The following NOL9 variants were observed in gnomAD, a reference collection of about 807,000 sequenced individuals.
NOL9 encodes polynucleotide 5'-hydroxyl-kinase NOL9.
Under a neutral mutation model 67.9 loss-of-function variants are expected in NOL9, and 28 were observed. The observed-to-expected ratio is 0.41, with a 90% confidence interval of 0.31 to 0.57. NOL9 has a LOEUF of 0.57. Ranked by LOEUF, NOL9 falls within the 20% of genes least tolerant of loss-of-function variation. The pLI is 0.25. For missense variants in NOL9, 777 were observed against 897.0 expected (o/e 0.87, Z 1.71); for synonymous variants, 356 against 352.2 (o/e 1.01, Z -0.12).
At chr1:6,532,793 A>ACTCAAGAACAGTGACGCG (rs762047682) in intron 7 of NOL9, 33 bp from the exon 8 acceptor site, 25 of 1,571,074 alleles carry the variant, frequency 1.6e-5, no homozygotes, top group African/African-American at 4.1e-5. Context: ...CAGCTGATAC[A>ACTCAAGAACAGTGACGCG]CTCAAGAACA....
At chr1:6,553,004 G>A (rs953070367) in intron 1 of NOL9, among the ~76,000 whole-genome samples, 2 of 152,112 alleles carry the variant, frequency 1.3e-5, no homozygotes, top group African/African-American at 4.8e-5. Flanking sequence ...TAGAGATGAG[G>A]TTTCACCATG....
At chr1:6,554,006 G>C (rs1639607312) in intron 1 of NOL9, 101 bp downstream of exon 1, 2 of 984,470 alleles carry the variant, frequency 2.0e-6, no homozygotes, top group Admixed American at 3.2e-5. Flanking sequence ...CCAGAGAACA[G>C]GCCCGGGGGA....
Position 6,529,169 on chromosome 1 carries a change from G to C in NOL9, c.1650C>G (p.Val550=). The change falls in exon 10 of 12, where the codon GTC becomes GTG. Residue 550 remains valine, a splice_region_variant and synonymous_variant. Coordinates refer to ENST00000377705, the MANE Select transcript of NOL9 (RefSeq NM_024654.5). ...TCCGGAGTGCGACTGCATTGAAAGG[G>C]ACCTGGAAAATGAATTTGCATCTCA... ...SPLHSLTPYQ[V]PFNAVALRIT... is the part of the protein sequence containing the mutation. The C allele has an allele frequency of 1.2e-6, 2 of 1,610,522 alleles. No individual in the cohort carries two copies. Among genetic ancestry groups the C allele is most frequent in the Non-Finnish European group, 8.5e-7 (1 of 1,177,094 alleles).
intron 6 of NOL9, among the ~76,000 whole-genome samples, chr1:6,537,982 A>G (rs1639192055): frequency 9.1e-6 from 1 of 110,320 alleles, no homozygotes. Context: ...ACAAAGCAAG[A>G]CTCCATCTCA....
At chr1:6,540,597 G>A (rs984320409) in intron 6 of NOL9, among the ~76,000 whole-genome samples, 1 of 152,136 alleles carries the variant, frequency 6.6e-6, no homozygotes, top group Non-Finnish European at 1.5e-5. Context: ...AGTCAGAGGT[G>A]AGTAGATGAC....
At chr1:6,539,971 A>G (rs1257259326) in intron 6 of NOL9, among the ~76,000 whole-genome samples, 1 of 152,136 alleles carries the variant, frequency 6.6e-6, no homozygotes, top group Non-Finnish European at 1.5e-5. Flanking sequence ...AGAGGAGGAC[A>G]AGAGGGAGTT....
intron 10 of NOL9, among the ~76,000 whole-genome samples, chr1:6,528,252 C>T (rs564486700): frequency 1.3e-5 from 2 of 152,276 alleles, no homozygotes; most frequent in African/African-American, 4.8e-5. Context: ...ATCTGAGTGA[C>T]GGGAAGTGCC....
chr1:6,553,267 T>G (rs1570092735), intron 1 of NOL9, among the ~76,000 whole-genome samples: 1 of 152,180 alleles, frequency 6.6e-6, no homozygotes, highest in Non-Finnish European at 1.5e-5. Flanking sequence ...CAGAACTTCC[T>G]GGGTTTTGCC....
At position 6,525,162 on chromosome 1, in the gene NOL9, A is replaced by G. The variant is rs1326411744; in HGVS notation, c.*692T>C. The G allele has an allele frequency of 6.6e-6, 1 of 151,996 alleles. No homozygotes were observed. 9.4% of individuals were successfully genotyped at this position (151,996 alleles called of 1,614,324 possible). Reference sequence around the variant, plus strand: ...CGTTTAAATTTTTCTTTTCTTTTTTAAAAGATAAGGTCTTACTCTGTCGCT... The same window carrying G: ...CGTTTAAATTTTTCTTTTCTTTTTTGAAAGATAAGGTCTTACTCTGTCGCT... On this transcript the variant is annotated 3_prime_UTR_variant, in exon 12 of 12. Transcript: ENST00000377705.
In NOL9 at chr1:6,525,617, T is replaced by TA; in HGVS notation, c.*236dup. 1 of 524,056 alleles carries TA rather than the reference T, an allele frequency of 1.9e-6. No individual in the cohort carries two copies. The highest frequency in any genetic ancestry group is 3.1e-5 in the East Asian group (1 of 32,422). 32.5% of individuals were successfully genotyped at this position (524,056 alleles called of 1,614,324 possible). A position where few individuals can be genotyped will look rare whatever the true frequency, so the allele number is the denominator to read the frequency against. ...GCACACAAACTGTTCTCTGCTGTTT[T>TA]ACTCCCTCTGGACAGCAAGTATGAG... On this transcript the variant is annotated 3_prime_UTR_variant, in exon 12 of 12. Coordinates refer to ENST00000377705, the MANE Select transcript of NOL9 (RefSeq NM_024654.5).
At chr1:6,547,958 C>A in intron 3 of NOL9, 1 of 257,196 alleles carries the variant, frequency 3.9e-6, no homozygotes, top group Non-Finnish European at 8.0e-6. Flanking sequence ...TCATCATAGG[C>A]TTCCTACAAT....
At chr1:6,550,085 G>A (rs979161383) in intron 2 of NOL9, among the ~76,000 whole-genome samples, 1 of 151,854 alleles carries the variant, frequency 6.6e-6, no homozygotes, top group Non-Finnish European at 1.5e-5. Context: ...AGGCTGGAGT[G>A]CAGTGGCGTG....
rs745497641 is a variant in NOL9 at position 6,549,689 on chromosome 1, C to T, written c.626G>A (p.Arg209His). ...LKSHLNLDDR[R>H]WSMQNFSPQC... ...AGGAGAAAAATTCTGCATCGACCAA[C>T]GCCTGTCATCTGTAAAGAGAAAAAT... Residue 209 changes from arginine to histidine, a missense_variant, in exon 3 of 12, where the codon CGT (arginine) becomes CAT (histidine). Around this residue, in one of 2 missense-constraint regions of NOL9, gnomAD observed 364 missense variants for 344.4 expected, o/e 1.06. Coordinates refer to ENST00000377705, the MANE Select transcript of NOL9 (RefSeq NM_024654.5). The T allele has an allele frequency of 2.1e-5, 34 of 1,613,848 alleles. 1 individual carries two copies. The highest frequency in any genetic ancestry group is 1.0e-4 in the Admixed American group (6 of 59,952).
Position 6,554,114 on chromosome 1 carries a change from A to C in NOL9, c.389T>G (p.Val130Gly). 6.5e-7 allele frequency: 1 copy of C among 1,526,726 alleles called. No individual in the cohort carries two copies. Among genetic ancestry groups the C allele is most frequent in the African/African-American group, 1.4e-5 (1 of 70,060 alleles). The allele number at this position is 1,526,726 out of a possible 1,614,324, so 94.6% of individuals were successfully genotyped here. Reference protein sequence around the residue: ...GPGRALLLLPVEQGFTFSGIC... With the variant: ...GPGRALLLLPGEQGFTFSGIC... ...CCGGCGCCCCCCACCTACCTGCTCG[A>C]CCGGCAGCAGCAGCAACGCGCGGCC... The change falls in exon 1 of 12, where the codon GTC becomes GGC. Residue 130 changes from valine (V) to glycine (G), a missense_variant. Physicochemically the swap from Val to Gly is moderately radical, Grantham distance 109 (BLOSUM62 -3). Transcript: ENST00000377705.
intron 6 of NOL9, among the ~76,000 whole-genome samples, chr1:6,533,803 G>A (rs1639087333): frequency 6.6e-6 from 1 of 152,102 alleles, no homozygotes; most frequent in South Asian, 2.1e-4. Context: ...CCAATGAAAG[G>A]GCAATGAATA....
intron 3 of NOL9, 199 bp downstream of exon 3, chr1:6,549,372 T>C: frequency 1.9e-6 from 1 of 520,236 alleles, no homozygotes; most frequent in Non-Finnish European, 3.2e-6. Flanking sequence ...GGCTCAGGTA[T>C]GAAACTAAGG....
intron 5 of NOL9, among the ~76,000 whole-genome samples, chr1:6,542,139 ACGGAT>A (rs1333232192): frequency 1.4e-5 from 2 of 145,570 alleles, no homozygotes; most frequent in Non-Finnish European, 3.0e-5. Context: ...CATTTGTAAC[ACGGAT>A]AACAACTTGC....
intron 10 of NOL9, among the ~76,000 whole-genome samples, chr1:6,527,989 A>T (rs186533225): frequency 2.0e-5 from 3 of 152,248 alleles, no homozygotes; most frequent in African/African-American, 7.2e-5. Flanking sequence ...CCAGGGGGAA[A>T]ATCCACCACT....
intron 6 of NOL9, among the ~76,000 whole-genome samples, chr1:6,539,673 G>A (rs1639233072): frequency 6.6e-6 from 1 of 151,752 alleles, no homozygotes; most frequent in Non-Finnish European, 1.5e-5. Context: ...TTTTTAATAG[G>A]GACTGGGTTT....
Sources: allele counts gnomAD v4.1 joint callset (sites outside exome capture counted in the v4.1 genomes callset), GRCh38; gene constraint gnomAD v4.1.1; regional missense constraint gnomAD v4.1.1; transcripts MANE v1.5; gene names NCBI Gene and HGNC (gene_info 2026-07-23, HGNC 2026-07-21).